Variants in ZSCAN4 observed in about 807,000 individuals in gnomAD.
The protein encoded by ZSCAN4 is zinc finger and SCAN domain containing 4.
In ZSCAN4, 18 loss-of-function variants were observed where a neutral mutation model predicts 18.3. That is an observed-to-expected ratio of 0.98 (90% CI 0.68 to 1.46). ZSCAN4 has a LOEUF of 1.46. Among genes scored for constraint, ZSCAN4 ranks in the 40% most tolerant of loss-of-function variants. The pLI is 0.00. For missense variants in ZSCAN4, 498 were observed against 511.4 expected (o/e 0.97, Z 0.25); for synonymous variants, 193 against 180.3 (o/e 1.07, Z -0.57).
intron 3 of ZSCAN4, among the ~76,000 whole-genome samples, chr19:57,677,056 G>A (rs529012969): frequency 1.3e-5 from 2 of 152,322 alleles, no homozygotes; most frequent in African/African-American, 4.8e-5. Context: ...AGGATTACAG[G>A]TGTGAGACCA....
At chr19:57,654,854 G>T in the ZSCAN4 span, among the ~76,000 whole-genome samples, 7 of 152,110 alleles carry the variant, frequency 4.6e-5, no homozygotes, top group South Asian at 2.1e-4. Flanking sequence ...ATTCCCACAG[G>T]GGGGCTGGAA....
chr19:57,661,898 A>G, the ZSCAN4 span, among the ~76,000 whole-genome samples: 1 of 152,118 alleles, frequency 6.6e-6, no homozygotes, highest in African/African-American at 2.4e-5. Flanking sequence ...CCTGGCCAAC[A>G]TGATAAAACC....
At chr19:57,675,856 G>A (rs1329344062) in intron 2 of ZSCAN4, among the ~76,000 whole-genome samples, 185 bp from the exon 3 acceptor site, 1 of 152,128 alleles carries the variant, frequency 6.6e-6, no homozygotes, top group Admixed American at 6.5e-5. Context: ...TTGTTATCAG[G>A]AAGTGCTGAC....
At chr19:57,655,980 A>C in the ZSCAN4 span, among the ~76,000 whole-genome samples, 4 of 152,102 alleles carry the variant, frequency 2.6e-5, no homozygotes. Context: ...CGACCTAACT[A>C]GGGCCCTCAC....
the ZSCAN4 span, among the ~76,000 whole-genome samples, chr19:57,660,834 G>A: frequency 1.3e-5 from 2 of 152,120 alleles, no homozygotes; most frequent in Non-Finnish European, 2.9e-5. Context: ...GTTGACTAGA[G>A]GCTGTGAGTG....
chr19:57,663,345 C>G, the ZSCAN4 span, among the ~76,000 whole-genome samples: 3 of 151,608 alleles, frequency 2.0e-5, no homozygotes, highest in Admixed American at 2.0e-4. Flanking sequence ...CATACACACA[C>G]ATTTCCTTTC....
At chr19:57,669,601 A>T (rs1018396663) in intron 1 of ZSCAN4, among the ~76,000 whole-genome samples, 1 of 150,944 alleles carries the variant, frequency 6.6e-6, no homozygotes, top group Non-Finnish European at 1.5e-5. Flanking sequence ...TAATTTTTGC[A>T]TTTTTAGTAG....
the ZSCAN4 span, among the ~76,000 whole-genome samples, chr19:57,662,750 G>A: frequency 6.6e-6 from 1 of 152,114 alleles, no homozygotes; most frequent in East Asian, 1.9e-4. Flanking sequence ...TAATAGAGAT[G>A]GGTTTCACCA....
chr19:57,677,877 A>G (rs1349272156), intron 3 of ZSCAN4, 37 bp from the exon 4 acceptor site: 28 of 1,493,448 alleles, frequency 1.9e-5, no homozygotes, highest in Non-Finnish European at 2.3e-5. Flanking sequence ...GTTACACAAC[A>G]GATTCAGATA....
chr19:57,660,288 A>G, the ZSCAN4 span, among the ~76,000 whole-genome samples: 2 of 152,240 alleles, frequency 1.3e-5, no homozygotes, highest in Non-Finnish European at 2.9e-5. Flanking sequence ...CTAGACACAC[A>G]TAGCATCCTG....
At chr19:57,667,787 G>C (rs1983894878), upstream of ZSCAN4, among the ~76,000 whole-genome samples, 1 of 152,118 alleles carries the variant, frequency 6.6e-6, no homozygotes, top group South Asian at 2.1e-4. Flanking sequence ...AACTCCTTGA[G>C]ACTGCAGAAG....
exon 3 of ZSCAN4, chr19:57,676,105 G>A (rs1391422091): frequency 6.5e-7 from 1 of 1,550,342 alleles, no homozygotes; most frequent in Admixed American, 2.0e-5. Context: ...GCAAGAGACT[G>A]AATCATCAAA....
chr19:57,661,245 C>A, the ZSCAN4 span, among the ~76,000 whole-genome samples: 1 of 152,108 alleles, frequency 6.6e-6, no homozygotes, highest in Non-Finnish European at 1.5e-5. Flanking sequence ...ACCCCTCCTT[C>A]TTCCACAACC....
At chr19:57,665,666 T>A (rs982398070), upstream of ZSCAN4, among the ~76,000 whole-genome samples, 1 of 152,116 alleles carries the variant, frequency 6.6e-6, no homozygotes, top group Non-Finnish European at 1.5e-5. Flanking sequence ...ACTCCTGTAA[T>A]CCCAACACTT....
At chr19:57,660,027 A>C in the ZSCAN4 span, among the ~76,000 whole-genome samples, 1 of 152,190 alleles carries the variant, frequency 6.6e-6, no homozygotes, top group Non-Finnish European at 1.5e-5. Context: ...ACTTCCCAGC[A>C]AAAAGGTGAG....
chr19:57,667,891 G>T (rs947051958), upstream of ZSCAN4, among the ~76,000 whole-genome samples: 8 of 150,580 alleles, frequency 5.3e-5, no homozygotes, highest in South Asian at 2.1e-4. Context: ...TTTTTTGTTT[G>T]TTTTTTGTTT....
chr19:57,666,457 G>T (rs1205817786), upstream of ZSCAN4, among the ~76,000 whole-genome samples: 1 of 151,680 alleles, frequency 6.6e-6, no homozygotes, highest in Non-Finnish European at 1.5e-5. Flanking sequence ...CAGTCTTTGC[G>T]TTCATAAAGA....
At chr19:57,678,672 G>T (rs759413773) in exon 5 of ZSCAN4, 3 of 1,614,010 alleles carry the variant, frequency 1.9e-6, no homozygotes, top group Non-Finnish European at 2.5e-6. Context: ...AGACCTACGG[G>T]TGCATCAGAT....
upstream of ZSCAN4, among the ~76,000 whole-genome samples, chr19:57,665,751 C>T (rs566500738): frequency 4.6e-5 from 7 of 152,224 alleles, no homozygotes; most frequent in East Asian, 1.4e-3. Flanking sequence ...AACCCCATCT[C>T]TACTAAAAAT....
Sources: allele counts gnomAD v4.1 joint callset (sites outside exome capture counted in the v4.1 genomes callset), GRCh38; gene constraint gnomAD v4.1.1; transcripts MANE v1.5; gene names NCBI Gene and HGNC (gene_info 2026-07-23, HGNC 2026-07-21).